KDM5A: variants seen among roughly 807,000 people sequenced by gnomAD.
KDM5A encodes lysine-specific demethylase 5A.
A neutral mutation model predicts 193.5 loss-of-function variants in KDM5A; 42 were observed. The ratio of observed to expected loss-of-function variants is 0.22; its 90% CI spans 0.17 to 0.28. The LOEUF is 0.28. KDM5A is among the 10% of genes least tolerant of loss of function. The pLI is 1.00. For missense variants in KDM5A, 1,692 were observed against 2,055.1 expected (o/e 0.82, Z 3.42); for synonymous variants, 796 against 718.1 (o/e 1.11, Z -1.73).
intron 14 of KDM5A, among the ~76,000 whole-genome samples, chr12:326,953 A>T (rs1343774189): frequency 6.6e-6 from 1 of 152,048 alleles, no homozygotes; most frequent in Non-Finnish European, 1.5e-5. Context: ...GACTTTCAAA[A>T]GTATGATGGG....
At chr12:349,737 C>A (rs973979015) in intron 10 of KDM5A, among the ~76,000 whole-genome samples, 82 of 140,310 alleles carry the variant, frequency 5.8e-4, no homozygotes, top group African/African-American at 2.0e-3. Context: ...ACAGGTTTTT[C>A]TTCTGTCACT....
chr12:299,609 G>T (rs1355980890), intron 24 of KDM5A, among the ~76,000 whole-genome samples: 1 of 152,134 alleles, frequency 6.6e-6, no homozygotes, highest in African/African-American at 2.4e-5. Context: ...AAATCGTAAA[G>T]ACCATCGACG....
chr12:375,982 C>T (rs965883634), intron 3 of KDM5A, among the ~76,000 whole-genome samples: 1 of 152,238 alleles, frequency 6.6e-6, no homozygotes, highest in Non-Finnish European at 1.5e-5. Context: ...GGTGTCAAGG[C>T]TGCCCCTACG....
rs565297591 is a variant in KDM5A at position 372,998 on chromosome 12, A to G, written c.367-6894T>C. On this transcript the variant is annotated intron_variant, in intron 3 of 27. Coordinates refer to ENST00000399788, the MANE Select transcript of KDM5A (RefSeq NM_001042603.3). ...GTGCTGCTGGATTTGGTTTGCCAGT[A>G]TTTTATTGAAGATTTTCGCATCGAT... Among the ~76,000 whole-genome samples the G allele has an allele frequency of 1.2e-3, 179 of 152,302 alleles. 1 individual carries two copies. The highest frequency in any genetic ancestry group is 3.6e-3 in the African/African-American group (151 of 41,564).
chr12:296,304 A>G (rs955157356), intron 25 of KDM5A, among the ~76,000 whole-genome samples: 3 of 150,886 alleles, frequency 2.0e-5, no homozygotes, highest in South Asian at 2.1e-4. Flanking sequence ...CCTGGGCAAC[A>G]AGACAGAAAC....
chr12:323,923 T>C, intron 14 of KDM5A, 142 bp from the exon 15 acceptor site: 1 of 716,986 alleles, frequency 1.4e-6, no homozygotes, highest in Non-Finnish European at 2.5e-6. Flanking sequence ...AACATCAAAA[T>C]ACTTCCTAAA....
intron 3 of KDM5A, among the ~76,000 whole-genome samples, chr12:368,004 CTT>C (rs1944378762): frequency 6.6e-6 from 1 of 152,152 alleles, no homozygotes; most frequent in African/African-American, 2.4e-5. Flanking sequence ...CAGCAATACT[CTT>C]GAGAGTCAAA....
chr12:290,219 C>G (rs1267762684), intron 27 of KDM5A, among the ~76,000 whole-genome samples: 1 of 152,114 alleles, frequency 6.6e-6, no homozygotes, highest in Non-Finnish European at 1.5e-5. Flanking sequence ...ACATTCTTTA[C>G]AGAAATTTTT....
At chr12:371,377 T>G (rs929946520) in intron 3 of KDM5A, among the ~76,000 whole-genome samples, 3 of 152,216 alleles carry the variant, frequency 2.0e-5, no homozygotes, top group African/African-American at 7.2e-5. Context: ...TGATGAGCAT[T>G]TTTTCATGTG....
chr12:350,876 G>A (rs1565542666), intron 9 of KDM5A, 97 bp from the exon 10 acceptor site: 2 of 1,107,686 alleles, frequency 1.8e-6, no homozygotes, highest in East Asian at 2.4e-5. Flanking sequence ...AACCCATGAT[G>A]AGATTAAAAA....
At chr12:290,610 G>A (rs548325658) in intron 27 of KDM5A, among the ~76,000 whole-genome samples, 17 of 152,066 alleles carry the variant, frequency 1.1e-4, no homozygotes, top group African/African-American at 3.6e-4. Flanking sequence ...TAGCACTTAC[G>A]TTGCATTTTT....
intron 10 of KDM5A, among the ~76,000 whole-genome samples, chr12:337,019 AG>A (rs1943942753): frequency 6.6e-6 from 1 of 152,106 alleles, no homozygotes; most frequent in Non-Finnish European, 1.5e-5. Context: ...ATGTTGGAGG[AG>A]GGACCTGGTG....
intron 27 of KDM5A, among the ~76,000 whole-genome samples, chr12:289,995 A>T (rs1016836527): frequency 6.9e-6 from 1 of 144,186 alleles, no homozygotes; most frequent in African/African-American, 2.6e-5. Context: ...ACTGAAGTGC[A>T]GTGGGGCACT....
At chr12:312,646 G>A (rs143751299) in intron 20 of KDM5A, among the ~76,000 whole-genome samples, 2,222 of 152,198 alleles carry the variant, frequency 0.015, 50 homozygotes, top group African/African-American at 0.05. Context: ...CTCAACTTAC[G>A]ACAGGGTTAT....
intron 27 of KDM5A, among the ~76,000 whole-genome samples, chr12:291,597 G>GT (rs1413619244): frequency 6.6e-6 from 1 of 152,140 alleles, no homozygotes; most frequent in Non-Finnish European, 1.5e-5. Flanking sequence ...CATTGAAAAA[G>GT]TGAGGGCATA....
At chr12:384,549 CAA>C (rs1944616428) in intron 2 of KDM5A, among the ~76,000 whole-genome samples, 1 of 151,646 alleles carries the variant, frequency 6.6e-6, no homozygotes, top group Admixed American at 6.6e-5. Context: ...TAAAGAAATT[CAA>C]AGACTTTTTT....
chr12:375,271 C>G (rs1944488023), intron 3 of KDM5A, among the ~76,000 whole-genome samples: 1 of 151,740 alleles, frequency 6.6e-6, no homozygotes, highest in Non-Finnish European at 1.5e-5. Flanking sequence ...GGCTTTGTTT[C>G]TTTTTACTCT....
rs950768036 is a variant in KDM5A, at chr12:284,081, G to C, written c.*1375C>G. The C allele has an allele frequency of 3.4e-5, 8 of 232,376 alleles. No individual in the cohort carries two copies. 14.4% of individuals were successfully genotyped at this position (232,376 alleles called of 1,614,324 possible). A position where few individuals can be genotyped will look rare whatever the true frequency, so the allele number is the denominator to read the frequency against. On this transcript the variant is annotated 3_prime_UTR_variant, in exon 28 of 28. Coordinates refer to ENST00000399788, the MANE Select transcript of KDM5A (RefSeq NM_001042603.3). ...CAAAATGGAAGATCTGGTCAGGCTG[G>C]GATGGAGGAGGGAGTGCTAACTCCT... is the stretch of plus-strand genomic sequence containing the variant.
chr12:336,834 C>CAA (rs11292144), intron 10 of KDM5A, among the ~76,000 whole-genome samples: 11 of 122,198 alleles, frequency 9.0e-5, no homozygotes, highest in African/African-American at 2.1e-4. Flanking sequence ...GACTCCATCT[C>CAA]AAAAAAAAAA....
Sources: allele counts gnomAD v4.1 joint callset (sites outside exome capture counted in the v4.1 genomes callset), GRCh38; gene constraint gnomAD v4.1.1; transcripts MANE v1.5; gene names NCBI Gene and HGNC (gene_info 2026-07-23, HGNC 2026-07-21).